MMS19: variants seen among roughly 807,000 people sequenced by gnomAD.
MMS19 encodes MMS19 cytosolic iron-sulfur assembly component, also known as MMS19 nucleotide excision repair protein homolog.
A neutral mutation model predicts 129.8 loss-of-function variants in MMS19; 77 were observed. The ratio of observed to expected loss-of-function variants is 0.59; its 90% CI spans 0.49 to 0.72. MMS19 has a LOEUF of 0.72. Among genes scored for constraint, MMS19 ranks in the 30% least tolerant of loss-of-function variants. The pLI, the probability that MMS19 is intolerant of heterozygous loss-of-function variation, is 0.00. For synonymous variants in MMS19, 491 were observed against 502.8 expected (o/e 0.98, Z 0.31); for missense variants, 1,168 against 1,266.3 (o/e 0.92, Z 1.18).
In MMS19 at chr10:97,460,676, G is replaced by C; in HGVS notation, c.2469+19C>G. 6 of 1,577,016 alleles carry C rather than the reference G, an allele frequency of 3.8e-6. No individual in the cohort carries two copies. The highest frequency in any genetic ancestry group is 2.3e-5 in the East Asian group (1 of 43,468). On this transcript the variant is annotated intron_variant, in intron 25 of 30. Coordinates refer to ENST00000438925, the MANE Select transcript of MMS19 (RefSeq NM_022362.5). Reference sequence around the variant, plus strand: ...GTTTGTTTAGGTCCTGGGTTCTTCTGTCTCCAGAAAGGACGTACCCGGGCT... The same window carrying C: ...GTTTGTTTAGGTCCTGGGTTCTTCTCTCTCCAGAAAGGACGTACCCGGGCT...
intron 8 of MMS19, 92 bp downstream of exon 8, chr10:97,476,591 T>A (rs969204507): frequency 9.0e-7 from 1 of 1,108,518 alleles, no homozygotes; most frequent in African/African-American, 1.6e-5. Context: ...GATGTCTATT[T>A]TGGTGACCTG....
intron 1 of MMS19, among the ~76,000 whole-genome samples, chr10:97,486,460 C>G (rs1285299760): frequency 6.6e-6 from 1 of 152,154 alleles, no homozygotes; most frequent in Admixed American, 6.5e-5. Context: ...GGATTGCAGG[C>G]GTGAGCCACT....
In MMS19 at chr10:97,466,628, C is replaced by A. The variant is rs371819197; in HGVS notation, c.1424-43G>T. 37 of 1,578,608 alleles carry A rather than the reference C, an allele frequency of 2.3e-5. No homozygotes were observed. In the East Asian group the frequency reaches 7.8e-4, roughly 33 times the overall value. On this transcript the variant is annotated intron_variant, in intron 15 of 30. Coordinates refer to ENST00000438925, the MANE Select transcript of MMS19 (RefSeq NM_022362.5). ...CATGAATCTCATCTTTCTTCCCCTG[C>A]AGCCATCACAACCCTTCTAAGCTCT...
intron 1 of MMS19, among the ~76,000 whole-genome samples, chr10:97,491,303 G>A (rs2038836862): frequency 6.6e-6 from 1 of 152,184 alleles, no homozygotes; most frequent in African/African-American, 2.4e-5. Context: ...TATTTGGAAC[G>A]AAGGCTCTAA....
At chr10:97,479,687 CA>C (rs2036407076) in intron 3 of MMS19, among the ~76,000 whole-genome samples, 1 of 152,048 alleles carries the variant, frequency 6.6e-6, no homozygotes. Context: ...ATGTCTTGTG[CA>C]TAATTCTTCC....
intron 1 of MMS19, among the ~76,000 whole-genome samples, chr10:97,491,052 C>T (rs1483862646): frequency 6.6e-6 from 1 of 152,148 alleles, no homozygotes; most frequent in Non-Finnish European, 1.5e-5. Flanking sequence ...AAGGGCATTG[C>T]AACATTTGGG....
At chr10:97,461,759 T>C in intron 22 of MMS19, 69 bp downstream of exon 22, 1 of 1,558,900 alleles carries the variant, frequency 6.4e-7, no homozygotes, top group Non-Finnish European at 8.7e-7. Context: ...GCTTAGCCTG[T>C]GGCAAATTTC....
At chr10:97,493,872 G>A (rs142037132) in intron 1 of MMS19, among the ~76,000 whole-genome samples, 445 of 152,114 alleles carry the variant, frequency 2.9e-3, no homozygotes, top group Middle Eastern at 0.02. Flanking sequence ...AAAATTAGCC[G>A]TGTGTGGTGA....
In MMS19 at chr10:97,461,857, T is replaced by A. The variant is rs375806531; in HGVS notation, c.2155A>T (p.Met719Leu). 1 of 1,609,668 alleles carries A rather than the reference T, an allele frequency of 6.2e-7. No homozygotes were observed. The highest frequency in any genetic ancestry group is 1.7e-5 in the Admixed American group (1 of 59,398). The change falls in exon 22 of 31, where the codon ATG (methionine) becomes TTG (leucine). Residue 719 changes from methionine to leucine, a missense_variant. By Grantham distance (15) the Met-to-Leu change is conservative. Transcript: ENST00000438925. ...CGAGGCAGGGAGCAGACAAAGGCCA[T>A]AAGCAGTGCAATCAGCCGCCTCTGC... Reference protein sequence around the residue: ...SGQRRLIALLMAFVCSLPRNV... With the variant: ...SGQRRLIALLLAFVCSLPRNV...
intron 23 of MMS19, 127 bp downstream of exon 23, chr10:97,461,369 G>T: frequency 8.5e-7 from 1 of 1,170,722 alleles, no homozygotes; most frequent in Non-Finnish European, 1.2e-6. Context: ...CCAGGACAGT[G>T]CTTGAGCAGT....
At chr10:97,498,782 C>T (rs997608221), upstream of MMS19, 5 of 264,762 alleles carry the variant, frequency 1.9e-5, no homozygotes, top group South Asian at 7.3e-5. Flanking sequence ...GTGGTGGCGG[C>T]GGCGCGGGCA....
chr10:97,484,153 T>G lies in MMS19; in HGVS notation c.113-2A>C. ...CTGTATAGTTGCCAGATTTCACATC[T>G]GCAGGAAATAAAATAAATAAATATG... On this transcript the variant is annotated splice_acceptor_variant, in intron 1 of 30. Coordinates refer to ENST00000438925, the MANE Select transcript of MMS19 (RefSeq NM_022362.5). LOFTEE classifies it high-confidence loss of function. The G allele has an allele frequency of 1.3e-6, 2 of 1,501,330 alleles. No individual in the cohort carries two copies. The highest frequency in any genetic ancestry group is 1.8e-6 in the Non-Finnish European group (2 of 1,114,184). The allele number at this position is 1,501,330 out of a possible 1,614,324, so 93.0% of individuals were successfully genotyped here.
intron 20 of MMS19, 123 bp downstream of exon 20, chr10:97,462,460 C>A: frequency 1.4e-6 from 1 of 712,204 alleles, no homozygotes; most frequent in Admixed American, 2.4e-5. Flanking sequence ...ACTTACAAGA[C>A]GATTAACTGC....
At chr10:97,488,511 G>A (rs1410112847) in intron 1 of MMS19, among the ~76,000 whole-genome samples, 1 of 152,204 alleles carries the variant, frequency 6.6e-6, no homozygotes, top group Non-Finnish European at 1.5e-5. Flanking sequence ...ACTAAAATCT[G>A]TGGATGCTCA....
In MMS19 at chr10:97,459,269, G is replaced by A. The variant is rs1424807502; in HGVS notation, c.2918C>T (p.Ala973Val). The A allele has an allele frequency of 1.2e-6, 2 of 1,613,158 alleles. No homozygotes were observed. The highest frequency in any genetic ancestry group is 2.7e-5 in the African/African-American group (2 of 74,886). The change falls in exon 29 of 31, where the codon GCC becomes GTC. Residue 973 changes from alanine to valine, a missense_variant. Physicochemically the swap from Ala to Val is moderately conservative, Grantham distance 64 (BLOSUM62 0). This residue lies in a region of MMS19 where 831 missense variants were observed against 910.8 expected (regional missense o/e 0.91). Coordinates refer to ENST00000438925, the MANE Select transcript of MMS19 (RefSeq NM_022362.5). ...SSSPSMAVRI[A>V]ALQCMHALTR... ...GAGAGCATGCATGCACTGCAGTGCG[G>A]CGATCCGGACAGCCTGGAACACAAC...
chr10:97,473,579 G>C (rs2035181067), intron 8 of MMS19, among the ~76,000 whole-genome samples: 1 of 151,204 alleles, frequency 6.6e-6, no homozygotes, highest in Non-Finnish European at 1.5e-5. Flanking sequence ...GGTGAAGGAA[G>C]AACCAATATC....
chr10:97,474,426 T>C lies in MMS19; in HGVS notation c.684+2257A>G, dbSNP rs571282767. Among the ~76,000 whole-genome samples the C allele has an allele frequency of 6.3e-4, 96 of 152,156 alleles. No individual in the cohort carries two copies. In the Middle Eastern group the frequency reaches 0.014, roughly 22 times the overall value. ...TAGTCAGGCATGGTGGCACGTACTG[T>C]AATCCCAGCTATTCAGGTGGCTGAG... On this transcript the variant is annotated intron_variant, in intron 8 of 30. Coordinates refer to ENST00000438925, the MANE Select transcript of MMS19 (RefSeq NM_022362.5).
intron 18 of MMS19, 112 bp from the exon 19 acceptor site, chr10:97,464,125 GC>G: frequency 1.0e-6 from 1 of 972,392 alleles, no homozygotes; most frequent in Non-Finnish European, 1.5e-6. Flanking sequence ...GACCAAGAGT[GC>G]CTTATTAAAA....
intron 3 of MMS19, among the ~76,000 whole-genome samples, chr10:97,479,632 CCAAT>C (rs1391608260): frequency 1.3e-5 from 2 of 152,048 alleles, no homozygotes; most frequent in Non-Finnish European, 2.9e-5. Flanking sequence ...ACATTTTTTC[CCAAT>C]CAGTCACATC....
Sources: gnomAD v4.1 joint callset for allele counts (sites outside exome capture counted in the v4.1 genomes callset) on GRCh38, gnomAD v4.1.1 for gene constraint, gnomAD v4.1.1 regional missense constraint, MANE v1.5 for transcripts, NCBI Gene and HGNC (gene_info 2026-07-23, HGNC 2026-07-21) for gene names.